ROBO1: variants seen among roughly 807,000 people sequenced by gnomAD.
ROBO1 encodes roundabout guidance receptor 1, also known as roundabout homolog 1.
ROBO1 carries 149 observed loss-of-function variants against 195.9 expected under a neutral mutation model. The observed-to-expected ratio is 0.76, with a 90% CI of 0.67 to 0.87. The LOEUF is 0.87. Ranked by LOEUF, ROBO1 falls within the 40% of genes least tolerant of loss-of-function variation. ROBO1 has a pLI of 0.00. For synonymous variants in ROBO1, 816 were observed against 733.2 expected, an observed-to-expected ratio of 1.11 and a Z score of -1.82; for missense variants, 1,933 against 2,068.3, an observed-to-expected ratio of 0.93 and a Z score of 1.27.
intron 2 of ROBO1, among the ~76,000 whole-genome samples, chr3:79,349,763 TG>T (rs1209318175): frequency 1.3e-5 from 2 of 152,182 alleles, no homozygotes; most frequent in African/African-American, 4.8e-5. Context: ...GATATCCACA[TG>T]CAAAAACTGG....
intron 18 of ROBO1, among the ~76,000 whole-genome samples, chr3:78,654,963 AC>A (rs977592590): frequency 1.3e-5 from 2 of 152,188 alleles, no homozygotes; most frequent in African/African-American, 4.8e-5. Flanking sequence ...TTGACTATCA[AC>A]TATTTTCTCA....
At chr3:78,622,093 T>C (rs1704492706) in intron 26 of ROBO1, among the ~76,000 whole-genome samples, 1 of 152,122 alleles carries the variant, frequency 6.6e-6, no homozygotes, top group African/African-American at 2.4e-5. Context: ...AAACAACATA[T>C]TTGAATAAGT....
intron 2 of ROBO1, among the ~76,000 whole-genome samples, chr3:79,455,029 T>C (rs1401340104): frequency 6.6e-6 from 1 of 152,090 alleles, no homozygotes; most frequent in Non-Finnish European, 1.5e-5. Context: ...TCAAGAGAGA[T>C]TACAGTTTAA....
intron 4 of ROBO1, among the ~76,000 whole-genome samples, chr3:78,831,681 A>G (rs1201005513): frequency 6.6e-6 from 1 of 152,216 alleles, no homozygotes; most frequent in Admixed American, 6.5e-5. Context: ...GCTCATAAAG[A>G]TGTACCCAAG....
At chr3:78,761,063 A>G (rs1468491421) in intron 4 of ROBO1, among the ~76,000 whole-genome samples, 1 of 152,190 alleles carries the variant, frequency 6.6e-6, no homozygotes, top group Non-Finnish European at 1.5e-5. Context: ...TATATAATCA[A>G]TAGTCTAACA....
intron 1 of ROBO1, among the ~76,000 whole-genome samples, chr3:79,611,434 T>C (rs750849393): frequency 7.2e-5 from 11 of 152,008 alleles, no homozygotes; most frequent in Non-Finnish European, 1.5e-4. Flanking sequence ...GAAAATGGTA[T>C]TTGGAATTTA....
intron 2 of ROBO1, among the ~76,000 whole-genome samples, chr3:79,294,112 T>A: frequency 7.1e-6 from 1 of 140,880 alleles, no homozygotes; most frequent in Non-Finnish European, 1.6e-5. Flanking sequence ...GAATTTCATA[T>A]GGAATCAAAA....
intron 2 of ROBO1, among the ~76,000 whole-genome samples, chr3:79,303,169 T>G (rs927640319): frequency 8.2e-5 from 12 of 145,604 alleles, no homozygotes; most frequent in Middle Eastern, 3.5e-3. Flanking sequence ...GGTTTTTTTT[T>G]TTTTTTTTTT....
intron 2 of ROBO1, among the ~76,000 whole-genome samples, chr3:79,560,603 A>G (rs1022065337): frequency 4.0e-5 from 6 of 148,756 alleles, no homozygotes; most frequent in Admixed American, 6.7e-5. Context: ...CAAGTACACC[A>G]GTTAGGTAGT....
chr3:79,606,950 C>G (rs1312846699), intron 1 of ROBO1, among the ~76,000 whole-genome samples: 1 of 151,946 alleles, frequency 6.6e-6, no homozygotes, highest in African/African-American at 2.4e-5. Flanking sequence ...AATTTCTATA[C>G]AGTAAGTCCC....
intron 3 of ROBO1, among the ~76,000 whole-genome samples, chr3:78,952,756 T>C (rs1344661123): frequency 6.6e-6 from 1 of 152,038 alleles, no homozygotes; most frequent in East Asian, 1.9e-4. Context: ...ACAAGGAAAA[T>C]GGAATGGATT....
intron 4 of ROBO1, chr3:78,938,356 G>T: frequency 2.3e-6 from 1 of 432,360 alleles, no homozygotes; most frequent in Non-Finnish European, 4.2e-6. Flanking sequence ...CTTTCCAACA[G>T]AAAATCACTC....
intron 1 of ROBO1, among the ~76,000 whole-genome samples, chr3:79,684,309 A>G (rs1013826928): frequency 3.3e-5 from 5 of 152,138 alleles, no homozygotes; most frequent in African/African-American, 9.7e-5. Flanking sequence ...TTTCCCTTAC[A>G]TAAACATAAT....
At chr3:79,474,539 C>G (rs1017261063) in intron 2 of ROBO1, among the ~76,000 whole-genome samples, 7 of 151,948 alleles carry the variant, frequency 4.6e-5, no homozygotes, top group Admixed American at 3.9e-4. Flanking sequence ...ATGGTAAGTG[C>G]TCATTGAATG....
At chr3:79,083,862 G>A (rs989911148) in intron 3 of ROBO1, among the ~76,000 whole-genome samples, 4 of 152,130 alleles carry the variant, frequency 2.6e-5, no homozygotes, top group African/African-American at 9.7e-5. Flanking sequence ...TTTTCATGAA[G>A]GGAATTTCAA....
At chr3:79,708,862 G>C (rs1435866048) in intron 1 of ROBO1, among the ~76,000 whole-genome samples, 1 of 152,098 alleles carries the variant, frequency 6.6e-6, no homozygotes, top group Non-Finnish European at 1.5e-5. Context: ...GCGAGTCCTT[G>C]TCTCAAAAAA....
At chr3:79,552,540 AAATTT>A (rs942565928) in intron 2 of ROBO1, among the ~76,000 whole-genome samples, 30 of 152,266 alleles carry the variant, frequency 2.0e-4, no homozygotes, top group African/African-American at 7.0e-4. Flanking sequence ...GTAAATTCAT[AAATTT>A]AATAGATAGA....
At chr3:78,688,457 C>T (rs1349368722) in intron 9 of ROBO1, among the ~76,000 whole-genome samples, 191 bp downstream of exon 9, 1 of 152,110 alleles carries the variant, frequency 6.6e-6, no homozygotes, top group African/African-American at 2.4e-5. Flanking sequence ...GAGAAAAATG[C>T]TTTCAGAATT....
chr3:78,915,424 T>C (rs2107560330), intron 4 of ROBO1, among the ~76,000 whole-genome samples: 1 of 152,330 alleles, frequency 6.6e-6, no homozygotes, highest in South Asian at 2.1e-4. Context: ...TAATCCTCCA[T>C]TTTTACTTCC....
Sources: allele counts gnomAD v4.1 joint callset (sites outside exome capture counted in the v4.1 genomes callset), GRCh38; gene constraint gnomAD v4.1.1; transcripts MANE v1.5; gene names NCBI Gene and HGNC (gene_info 2026-07-23, HGNC 2026-07-21).